CCNJL: variants seen among roughly 807,000 people sequenced by gnomAD.
CCNJL encodes the protein cyclin J like.
Under a neutral mutation model 33.4 loss-of-function variants are expected in CCNJL, and 33 were observed. The observed-to-expected ratio is 0.99, with a 90% confidence interval of 0.75 to 1.32. The LOEUF (loss-of-function observed/expected upper bound fraction) is 1.32. Among genes scored for constraint, CCNJL ranks in the 40% most tolerant of loss-of-function variants. The probability of loss-of-function intolerance (pLI) is 0.00; values close to 1 mark genes in which losing one functional copy is unlikely to be tolerated. For missense variants in CCNJL, 512 were observed against 499.7 expected (o/e 1.02, Z -0.23); for synonymous variants, 227 against 220.9 (o/e 1.03, Z -0.24).
intron 1 of CCNJL, among the ~76,000 whole-genome samples, chr5:160,320,500 C>T (rs1429549129): frequency 1.3e-5 from 2 of 152,174 alleles, no homozygotes; most frequent in Non-Finnish European, 2.9e-5. Context: ...AGAAGTATTC[C>T]TCTTTATGAG....
At chr5:160,328,239 G>A (rs889664936) in intron 1 of CCNJL, among the ~76,000 whole-genome samples, 3 of 152,178 alleles carry the variant, frequency 2.0e-5, no homozygotes, top group Non-Finnish European at 4.4e-5. Context: ...TGGATGAGAA[G>A]TCATGGGAAG....
At position 160,252,708 on chromosome 5, in the gene CCNJL, C is replaced by A. The variant is rs1414094012; in HGVS notation, c.*670G>T. 6.6e-6 allele frequency: 1 copy of A among 152,640 alleles called. No homozygotes were observed. Among genetic ancestry groups the A allele is most frequent in the African/African-American group, 2.4e-5 (1 of 41,434 alleles). The allele number at this position is 152,640 out of a possible 1,614,324, so 9.5% of individuals were successfully genotyped here. A position where few individuals can be genotyped will look rare whatever the true frequency, so the allele number is the denominator to read the frequency against. On this transcript the variant is annotated 3_prime_UTR_variant, in exon 6 of 6. Coordinates refer to ENST00000257536, the MANE Select transcript of CCNJL (RefSeq NM_001308173.3). ...TCTCCAAAGGAATTTTCAAGTATCA[C>A]CAAATCCCTGATACAGTGTGTAAAC...
chr5:160,319,272 C>T (rs1004260613), intron 1 of CCNJL, among the ~76,000 whole-genome samples: 2 of 152,172 alleles, frequency 1.3e-5, no homozygotes, highest in Admixed American at 1.3e-4. Context: ...AGGGTCACCT[C>T]GCCCAGCCCA....
At chr5:160,337,044 C>T (rs1323957385) in intron 1 of CCNJL, among the ~76,000 whole-genome samples, 1 of 136,850 alleles carries the variant, frequency 7.3e-6, no homozygotes, top group Non-Finnish European at 1.5e-5. Context: ...AGCTCTGTTG[C>T]CCAGCTTGGA....
At chr5:160,325,255 C>T (rs1051574964) in intron 1 of CCNJL, among the ~76,000 whole-genome samples, 1 of 152,160 alleles carries the variant, frequency 6.6e-6, no homozygotes, top group African/African-American at 2.4e-5. Flanking sequence ...TTTGATTGCT[C>T]CATGCCCCAA....
At chr5:160,300,917 G>T (rs911258577) in intron 2 of CCNJL, among the ~76,000 whole-genome samples, 2 of 152,118 alleles carry the variant, frequency 1.3e-5, no homozygotes. Flanking sequence ...GGTTAGCAAA[G>T]TTGCTGGGAA....
intron 1 of CCNJL, among the ~76,000 whole-genome samples, chr5:160,321,277 C>T (rs1426914889): frequency 6.6e-6 from 1 of 152,010 alleles, no homozygotes; most frequent in Non-Finnish European, 1.5e-5. Context: ...CCATTAACTT[C>T]AACCCCCCTG....
At position 160,251,873 on chromosome 5, in the gene CCNJL, A is replaced by G. The variant is rs1760819183; in HGVS notation, c.*1505T>C. 6.6e-6 allele frequency: 1 copy of G among 152,088 alleles called. No individual in the cohort carries two copies. The highest frequency in any genetic ancestry group is 2.1e-4 in the South Asian group (1 of 4,828). 9.4% of individuals were successfully genotyped at this position (152,088 alleles called of 1,614,324 possible). On this transcript the variant is annotated 3_prime_UTR_variant, in exon 6 of 6. Coordinates refer to ENST00000257536, the MANE Select transcript of CCNJL (RefSeq NM_001308173.3). Reference sequence around the variant, plus strand: ...CTATGCTAGTGTGACACGGTGGCAGAGTCTTATCCACACCCCGTCTCTTTT... The same window carrying G: ...CTATGCTAGTGTGACACGGTGGCAGGGTCTTATCCACACCCCGTCTCTTTT...
upstream of CCNJL, chr5:160,315,549 A>AATT (rs746194056): frequency 4.4e-5 from 10 of 225,570 alleles, no homozygotes; most frequent in East Asian, 1.2e-4. Flanking sequence ...AGCTGTCTTT[A>AATT]AGGGGATGAA....
chr5:160,263,456 GTT>G (rs1761435848), intron 3 of CCNJL, among the ~76,000 whole-genome samples: 1 of 152,124 alleles, frequency 6.6e-6, no homozygotes, highest in Non-Finnish European at 1.5e-5. Flanking sequence ...CCCTTGTTTC[GTT>G]TGCTTTTCAT....
chr5:160,267,007 T>G (rs1761623595), intron 3 of CCNJL, among the ~76,000 whole-genome samples: 1 of 151,986 alleles, frequency 6.6e-6, no homozygotes, highest in African/African-American at 2.4e-5. Context: ...TCCCCCAGGG[T>G]GAGACTTTTC....
Position 160,325,725 on chromosome 5 carries a change from T to A in CCNJL, n.207-10220A>T, listed in dbSNP as rs139232417. ...CACACTGTATTTTCAGAATTGGGATTTTTTTTTAACATAAAAATCCTGATT... is the reference window on the plus strand; with the variant it reads ...CACACTGTATTTTCAGAATTGGGATATTTTTTTAACATAAAAATCCTGATT... On this transcript the variant is annotated intron_variant and non_coding_transcript_variant, in intron 1 of 7. Transcript: ENST00000377503. 6.6e-4 allele frequency among the ~76,000 whole-genome samples: 101 copies of A among 152,202 alleles called. 1 individual carries two copies. The East Asian group carries it at 0.018, about 27-fold the overall frequency.
intron 3 of CCNJL, among the ~76,000 whole-genome samples, chr5:160,263,480 T>C (rs1761437181): frequency 6.6e-6 from 1 of 152,240 alleles, no homozygotes; most frequent in African/African-American, 2.4e-5. Flanking sequence ...ACACTGACTC[T>C]GGGAGAATCT....
intron 1 of CCNJL, among the ~76,000 whole-genome samples, chr5:160,329,146 T>C (rs1447772683): frequency 6.6e-6 from 1 of 152,006 alleles, no homozygotes; most frequent in African/African-American, 2.4e-5. Flanking sequence ...AAAAACAATT[T>C]ATGAGACAAA....
intron 1 of CCNJL, among the ~76,000 whole-genome samples, chr5:160,338,855 G>T (rs998312648): frequency 6.6e-6 from 1 of 151,908 alleles, no homozygotes; most frequent in Non-Finnish European, 1.5e-5. Flanking sequence ...GCAGTGGCGC[G>T]ATCTCAGCTC....
intron 4 of CCNJL, among the ~76,000 whole-genome samples, chr5:160,257,633 C>T (rs1315303365): frequency 2.6e-5 from 4 of 151,088 alleles, no homozygotes; most frequent in South Asian, 4.2e-4. Flanking sequence ...GGCAATATAG[C>T]GAGACCCCGT....
chr5:160,315,428 G>A (rs1298038546), upstream of CCNJL: 6 of 447,952 alleles, frequency 1.3e-5, no homozygotes, highest in Non-Finnish European at 2.7e-5. Context: ...AATCACTTGA[G>A]CACCAAAGGT....
At position 160,249,217 on chromosome 5, in the gene CCNJL, G is replaced by A. The variant is rs1760743678; in HGVS notation, c.*4161C>T. The A allele has an allele frequency of 6.6e-6, 1 of 152,158 alleles. No individual in the cohort carries two copies. Among genetic ancestry groups the A allele is most frequent in the South Asian group, 2.1e-4 (1 of 4,834 alleles). The allele number at this position is 152,158 out of a possible 1,614,324, so 9.4% of individuals were successfully genotyped here. On this transcript the variant is annotated 3_prime_UTR_variant, in exon 6 of 6. Coordinates refer to ENST00000257536, the MANE Select transcript of CCNJL (RefSeq NM_001308173.3). ...ATCCAGAAAGGACACTTGCATGCTA[G>A]TTTATCTATGGTCAGTTGTGGAATA...
chr5:160,269,335 G>A (rs746258345), intron 3 of CCNJL: 150 of 446,330 alleles, frequency 3.4e-4, no homozygotes, highest in Non-Finnish European at 5.8e-4. Context: ...TTTGTCACCC[G>A]AATAGCTGGC....
Sources: allele counts gnomAD v4.1 joint callset (sites outside exome capture counted in the v4.1 genomes callset), GRCh38; gene constraint gnomAD v4.1.1; transcripts MANE v1.5; gene names NCBI Gene and HGNC (gene_info 2026-07-23, HGNC 2026-07-21).